LIPC: variants seen among roughly 807,000 people sequenced by gnomAD.
LIPC encodes the protein lipase C, hepatic type, also known as hepatic triacylglycerol lipase.
Under a neutral mutation model 50.7 loss-of-function variants are expected in LIPC, and 44 were observed. The observed-to-expected ratio is 0.87, with a 90% CI of 0.68 to 1.11. The LOEUF (loss-of-function observed/expected upper bound fraction) is 1.11, where lower values mean the gene tolerates loss of function less well. Among genes scored for constraint, LIPC ranks in the 50% most tolerant of loss-of-function variants. LIPC has a pLI of 0.00. For missense variants in LIPC, 697 were observed against 648.2 expected, an observed-to-expected ratio of 1.08 and a Z score of -0.82; for synonymous variants, 271 against 256.4, an observed-to-expected ratio of 1.06 and a Z score of -0.54.
At chr15:58,542,032 G>T in intron 3 of LIPC, 65 bp downstream of exon 3, 1 of 1,518,822 alleles carries the variant, frequency 6.6e-7, no homozygotes, top group Non-Finnish European at 8.9e-7. Flanking sequence ...GAGAGTGAAT[G>T]AATTAAGCTG....
intron 1 of LIPC, among the ~76,000 whole-genome samples, chr15:58,477,983 G>T (rs143159401): frequency 6.6e-6 from 1 of 151,938 alleles, no homozygotes; most frequent in East Asian, 1.9e-4. Context: ...CCAGGGGGAC[G>T]TGCACCCTAT....
At chr15:58,566,136 G>A (rs970333155) in intron 8 of LIPC, 1 of 979,560 alleles carries the variant, frequency 1.0e-6, no homozygotes. Context: ...CAAGCGACCA[G>A]GCAATGCTGT....
rs117393723 is a variant in LIPC at position 58,505,869 on chromosome 15, C to A, written c.89-32464C>A. Among the ~76,000 whole-genome samples the A allele has an allele frequency of 1.3e-3, 198 of 151,392 alleles. 3 individuals are homozygous for A. The East Asian group carries it at 0.034, about 26-fold the overall frequency. On this transcript the variant is annotated intron_variant, in intron 1 of 8. Coordinates refer to ENST00000299022, the MANE Select transcript of LIPC (RefSeq NM_000236.3). ...TCATTAGGGGACTGCACTGACGTGG[C>A]TGCAGGTTGCTGGTCAGCCCTAGGG... is the stretch of plus-strand genomic sequence containing the variant.
At chr15:58,524,708 T>C (rs768230098) in intron 1 of LIPC, among the ~76,000 whole-genome samples, 1 of 152,232 alleles carries the variant, frequency 6.6e-6, no homozygotes, top group Admixed American at 6.5e-5. Flanking sequence ...TATTCCTTTT[T>C]CTGTGAAACG....
At chr15:58,461,805 A>G (rs935922888) in intron 1 of LIPC, among the ~76,000 whole-genome samples, 1 of 151,966 alleles carries the variant, frequency 6.6e-6, no homozygotes, top group African/African-American at 2.4e-5. Flanking sequence ...TCTGCCTTTC[A>G]CACCCATTGG....
At chr15:58,470,927 T>G (rs1393362605) in intron 1 of LIPC, among the ~76,000 whole-genome samples, 1 of 152,104 alleles carries the variant, frequency 6.6e-6, no homozygotes, top group Non-Finnish European at 1.5e-5. Flanking sequence ...TCTGCCTCCT[T>G]TTCATCTTCC....
chr15:58,498,257 G>C (rs1891844486), intron 1 of LIPC, among the ~76,000 whole-genome samples: 1 of 152,124 alleles, frequency 6.6e-6, no homozygotes, highest in South Asian at 2.1e-4. Flanking sequence ...TTAAGTCACA[G>C]CCAGCTGGAC....
intron 6 of LIPC, among the ~76,000 whole-genome samples, chr15:58,559,628 C>T (rs1490440069): frequency 6.6e-6 from 1 of 150,750 alleles, no homozygotes; most frequent in Non-Finnish European, 1.5e-5. Flanking sequence ...GACAAGAGAG[C>T]TCAGGAGGTC....
intron 2 of LIPC, 143 bp from the exon 3 acceptor site, chr15:58,541,642 C>G: frequency 1.2e-6 from 1 of 845,000 alleles, no homozygotes; most frequent in Non-Finnish European, 1.9e-6. Flanking sequence ...ACAAGGAATT[C>G]TCTGGCCCAA....
intron 1 of LIPC, among the ~76,000 whole-genome samples, chr15:58,480,666 T>C (rs1891156333): frequency 1.3e-5 from 2 of 152,256 alleles, no homozygotes; most frequent in South Asian, 4.1e-4. Context: ...AAGCTTTGAA[T>C]GCAGCCCAAC....
In LIPC at chr15:58,566,018, C is replaced by T. The variant is rs540097092; in HGVS notation, c.1388+2295C>T. 6 of 985,134 alleles carry T rather than the reference C, an allele frequency of 6.1e-6. No individual in the cohort carries two copies. In the African/African-American group the frequency reaches 1.0e-4, roughly 17 times the overall value. 61.0% of individuals were successfully genotyped at this position (985,134 alleles called of 1,614,324 possible). A position where few individuals can be genotyped will look rare whatever the true frequency, so the allele number is the denominator to read the frequency against. On this transcript the variant is annotated intron_variant, in intron 8 of 8. Transcript: ENST00000299022. ...AATTTTACTAACGGTGTGGTCCATC[C>T]CAGGGCTTCTCAAACTTTCACGAGC...
chr15:58,558,872 G>C (rs1268147334), intron 6 of LIPC, among the ~76,000 whole-genome samples: 4 of 152,212 alleles, frequency 2.6e-5, no homozygotes, highest in African/African-American at 9.6e-5. Context: ...TTTGGCTCTT[G>C]TTGTGAACAT....
chr15:58,433,582 C>T (rs1471552258), intron 1 of LIPC, among the ~76,000 whole-genome samples: 1 of 152,188 alleles, frequency 6.6e-6, no homozygotes, highest in African/African-American at 2.4e-5. Flanking sequence ...GGGACCATGC[C>T]ACACTTCCTT....
In LIPC at chr15:58,488,676, G is replaced by A. The variant is rs568264655; in HGVS notation, c.89-49657G>A. Among the ~76,000 whole-genome samples, 3 of 152,332 alleles carry A rather than the reference G, an allele frequency of 2.0e-5. No homozygotes were observed. The South Asian group carries it at 6.2e-4, about 32-fold the overall frequency. ...ATTCAGCACAAAGGGCCCAAGTCTT[G>A]AGAGGGAGTAGTTTAGGAGTGAAGA... On this transcript the variant is annotated intron_variant, in intron 1 of 8. Transcript: ENST00000299022.
chr15:58,560,365 A>G (rs1272962990), intron 6 of LIPC, among the ~76,000 whole-genome samples: 1 of 152,222 alleles, frequency 6.6e-6, no homozygotes, highest in East Asian at 1.9e-4. Flanking sequence ...CCCGGAATAT[A>G]AACGCTTGGT....
At position 58,541,904 on chromosome 15, in the gene LIPC, C is replaced by CT; in HGVS notation, c.393_394insT (p.Ile132TyrfsTer70). ...TCACCCTGGCCCACGACCACTACAC[C>CT]ATCGCCGTCCGCAACACCCGCCTTG... On this transcript the variant is annotated frameshift_variant, in exon 3 of 9. Transcript: ENST00000299022. LOFTEE classifies it high-confidence loss of function. 1 of 1,611,964 alleles carries CT rather than the reference C, an allele frequency of 6.2e-7. No individual in the cohort carries two copies. Among genetic ancestry groups the CT allele is most frequent in the Non-Finnish European group, 8.5e-7 (1 of 1,179,958 alleles).
chr15:58,471,326 G>C (rs1229585751), intron 1 of LIPC, among the ~76,000 whole-genome samples: 3 of 30,454 alleles, frequency 9.9e-5, no homozygotes, highest in Admixed American at 3.6e-4. Flanking sequence ...TTTTAGTAGA[G>C]ATGGGGGGGG....
chr15:58,433,417 A>AT (rs140303958), intron 1 of LIPC, among the ~76,000 whole-genome samples: 1 of 152,054 alleles, frequency 6.6e-6, no homozygotes, highest in Non-Finnish European at 1.5e-5. Context: ...AACATATATG[A>AT]TTTTTTCCTT....
chr15:58,472,045 G>A (rs1890827470), intron 1 of LIPC, among the ~76,000 whole-genome samples: 1 of 152,030 alleles, frequency 6.6e-6, no homozygotes, highest in Non-Finnish European at 1.5e-5. Context: ...CAAGGTGGGT[G>A]GATCACCTGA....
Sources: allele counts gnomAD v4.1 joint callset (sites outside exome capture counted in the v4.1 genomes callset), GRCh38; gene constraint gnomAD v4.1.1; transcripts MANE v1.5; gene names NCBI Gene and HGNC (gene_info 2026-07-23, HGNC 2026-07-21).